BRF1: variants seen among roughly 807,000 people sequenced by gnomAD.
BRF1 encodes the protein transcription factor IIIB 90 kDa subunit.
In BRF1, 59 loss-of-function variants were observed where a neutral mutation model predicts 81.7. The observed-to-expected ratio is 0.72, with a 90% CI of 0.59 to 0.90. The LOEUF (loss-of-function observed/expected upper bound fraction) is 0.90, where lower values mean the gene tolerates loss of function less well. Ranked by LOEUF, BRF1 falls within the 40% of genes least tolerant of loss-of-function variation. The pLI, the probability that BRF1 is intolerant of heterozygous loss-of-function variation, is 0.00. For synonymous variants in BRF1, 491 were observed against 395.6 expected (o/e 1.24, Z -2.86); for missense variants, 1,050 against 936.3 (o/e 1.12, Z -1.58).
At position 105,256,498 on chromosome 14, in the gene BRF1, G is replaced by A. The variant is rs755944953; in HGVS notation, c.471+20C>T. ...GTCACAACCCCAGGTGGGGAAAGAT[G>A]CAGGACGGAGGCTGTCTACCTGGAG... is the stretch of plus-strand genomic sequence containing the variant. On this transcript the variant is annotated intron_variant, in intron 4 of 17. Coordinates refer to ENST00000547530, the MANE Select transcript of BRF1 (RefSeq NM_001519.4). 3 of 1,614,162 alleles carry A rather than the reference G, an allele frequency of 1.9e-6. No homozygotes were observed. The highest frequency in any genetic ancestry group is 2.5e-6 in the Non-Finnish European group (3 of 1,180,038).
chr14:105,258,674 C>A (rs1217768891), intron 3 of BRF1, among the ~76,000 whole-genome samples: 1 of 151,918 alleles, frequency 6.6e-6, no homozygotes, highest in African/African-American at 2.4e-5. Flanking sequence ...TGGCGGGCAC[C>A]TGTAATCCCA....
intron 15 of BRF1, among the ~76,000 whole-genome samples, chr14:105,216,763 CG>C (rs1359545191): frequency 6.6e-6 from 1 of 152,250 alleles, no homozygotes; most frequent in Non-Finnish European, 1.5e-5. Context: ...CTGGAGACAA[CG>C]CAAGAGATCC....
chr14:105,265,695 A>C (rs933890210), intron 3 of BRF1, among the ~76,000 whole-genome samples: 1 of 152,064 alleles, frequency 6.6e-6, no homozygotes, highest in African/African-American at 2.4e-5. Flanking sequence ...CAGGAGATTG[A>C]GACCATCCTG....
intron 5 of BRF1, among the ~76,000 whole-genome samples, chr14:105,246,539 A>G (rs1397391717): frequency 1.3e-5 from 2 of 152,054 alleles, no homozygotes; most frequent in Admixed American, 1.3e-4. Flanking sequence ...GCATGATCTC[A>G]GCTCACTGCA....
intron 1 of BRF1, among the ~76,000 whole-genome samples, chr14:105,307,707 C>G (rs1485440330): frequency 6.6e-6 from 1 of 152,246 alleles, no homozygotes; most frequent in Non-Finnish European, 1.5e-5. Context: ...GCTTCAATCT[C>G]TCTAGGTTTC....
chr14:105,221,886 C>A lies in BRF1; in HGVS notation c.1077G>T (p.Leu359Phe), dbSNP rs1892333416. ...CGTCCTCTGTGTCCTCCTCGCCACA[C>A]AAGCTGGACGCGGTGTCCTCGGTGG... ...DGSTEDTASS[L>F]CGEEDTEDEE... is the part of the protein sequence containing the mutation. Residue 359 changes from leucine (L) to phenylalanine (F), a missense_variant, in exon 11 of 18, where the codon TTG becomes TTT. Leu to Phe is a conservative substitution (Grantham distance 22). Around this residue, in one of 2 missense-constraint regions of BRF1, gnomAD observed 1,043 missense variants for 915.4 expected, o/e 1.14. Coordinates refer to ENST00000547530, the MANE Select transcript of BRF1 (RefSeq NM_001519.4). The A allele has an allele frequency of 6.3e-7, 1 of 1,599,240 alleles. No individual in the cohort carries two copies. Among genetic ancestry groups the A allele is most frequent in the Non-Finnish European group, 8.5e-7 (1 of 1,173,284 alleles).
chr14:105,219,116 C>T (rs1358633839), intron 13 of BRF1, 35 bp downstream of exon 13: 3 of 1,613,720 alleles, frequency 1.9e-6, no homozygotes, highest in South Asian at 1.1e-5. Context: ...GGGGACTGTG[C>T]GTCCTGCGTG....
Position 105,221,759 on chromosome 14 carries a change from C to T in BRF1, c.1204G>A (p.Gly402Ser), listed in dbSNP as rs146262464. 1.2e-5 allele frequency: 19 copies of T among 1,611,110 alleles called. No individual in the cohort carries two copies. The highest frequency in any genetic ancestry group is 6.7e-5 in the Admixed American group (4 of 59,704). ...GACCCCAGGGCCGGAGGTCTGCCGCCCCACTCGGGGCTTCCTGCTGCTTCC... is the reference window on the plus strand; with the variant it reads ...GACCCCAGGGCCGGAGGTCTGCCGCTCCACTCGGGGCTTCCTGCTGCTTCC... ...SSEAAGSPEWGGRPPALGSLL... is the reference protein window; with the variant it reads ...SSEAAGSPEWSGRPPALGSLL... The change falls in exon 11 of 18, where the codon GGC becomes AGC. Residue 402 changes from glycine (G) to serine (S), a missense_variant. Transcript: ENST00000547530.
At chr14:105,214,852 T>C (rs1382058881) in intron 15 of BRF1, among the ~76,000 whole-genome samples, 1 of 152,086 alleles carries the variant, frequency 6.6e-6, no homozygotes, top group African/African-American at 2.4e-5. Context: ...AGCCTCAGCC[T>C]CTTTCCAAGT....
At chr14:105,283,812 A>G (rs1402697222) in intron 2 of BRF1, among the ~76,000 whole-genome samples, 1 of 152,206 alleles carries the variant, frequency 6.6e-6, no homozygotes, top group African/African-American at 2.4e-5. Flanking sequence ...CATGGAGAAA[A>G]TCTTGAAGTC....
intron 5 of BRF1, chr14:105,242,616 T>C (rs1286686382): frequency 1.3e-5 from 2 of 151,134 alleles, no homozygotes; most frequent in African/African-American, 2.4e-5. Context: ...ATGCCTCTAG[T>C]CCCAGCTACT....
rs1329195012 is a variant in BRF1, at chr14:105,221,901, G to A, written c.1062C>T (p.Asp354=). The part of the protein sequence containing the change: ...ASLAKDGSTE[D]TASSLCGEED... ...CCTCGCCACACAAGCTGGACGCGGT[G>A]TCCTCGGTGGAGCCTAGGTGTACAC... Residue 354 remains aspartate, a synonymous_variant, in exon 11 of 18, where the codon GAC becomes GAT. Transcript: ENST00000547530. 1.3e-6 allele frequency: 2 copies of A among 1,593,730 alleles called. No individual in the cohort carries two copies. The highest frequency in any genetic ancestry group is 1.7e-6 in the Non-Finnish European group (2 of 1,170,606).
At chr14:105,289,415 G>A (rs1024165897) in intron 1 of BRF1, among the ~76,000 whole-genome samples, 11 of 152,216 alleles carry the variant, frequency 7.2e-5, no homozygotes, top group Non-Finnish European at 1.5e-4. Context: ...AGAGGACCTG[G>A]CAGGGCCACA....
chr14:105,249,846 T>A, intron 5 of BRF1: 1 of 1,613,222 alleles, frequency 6.2e-7, no homozygotes, highest in Non-Finnish European at 8.5e-7. Flanking sequence ...TGGGAGGTCA[T>A]TGACGCACAG....
chr14:105,249,424 A>C (rs587749365), intron 5 of BRF1: 1 of 1,613,652 alleles, frequency 6.2e-7, no homozygotes, highest in East Asian at 2.2e-5. Context: ...GCGGAAGTCA[A>C]ATCTGAAATT....
At chr14:105,288,453 A>AAAAAATAAAAAT (rs916864650) in intron 1 of BRF1, among the ~76,000 whole-genome samples, 5 of 151,302 alleles carry the variant, frequency 3.3e-5, no homozygotes, top group Non-Finnish European at 7.4e-5. Flanking sequence ...CTCCGTCTCA[A>AAAAAATAAAAAT]AAAAATAAAA....
intron 2 of BRF1, among the ~76,000 whole-genome samples, chr14:105,274,857 G>A (rs1420968854): frequency 6.6e-6 from 1 of 152,330 alleles, no homozygotes; most frequent in East Asian, 1.9e-4. Flanking sequence ...GGCGTCGTGG[G>A]CAGGCAGAGT....
chr14:105,224,673 G>A (rs1024191968), intron 10 of BRF1, among the ~76,000 whole-genome samples: 5 of 152,126 alleles, frequency 3.3e-5, no homozygotes, highest in Admixed American at 1.3e-4. Flanking sequence ...TCAGCCTCCC[G>A]AGGAGCTGGG....
intron 2 of BRF1, among the ~76,000 whole-genome samples, chr14:105,280,577 G>A (rs1211190861): frequency 3.3e-5 from 5 of 152,042 alleles, no homozygotes; most frequent in African/African-American, 4.8e-5. Context: ...CTGAGCCCGC[G>A]TGCGCAGGTG....
Sources: allele counts gnomAD v4.1 joint callset (sites outside exome capture counted in the v4.1 genomes callset), GRCh38; gene constraint gnomAD v4.1.1; regional missense constraint gnomAD v4.1.1; transcripts MANE v1.5; gene names NCBI Gene and HGNC (gene_info 2026-07-23, HGNC 2026-07-21).